The following DLG5 variants were observed in gnomAD, a reference collection of about 807,000 sequenced individuals.
DLG5 encodes disks large homolog 5.
In DLG5, 48 loss-of-function variants were observed where a neutral mutation model predicts 189.8. The ratio of observed to expected loss-of-function variants is 0.25; its 90% CI spans 0.20 to 0.32. DLG5 has a LOEUF of 0.32. Ranked by LOEUF, DLG5 falls within the 10% of genes least tolerant of loss-of-function variation. The pLI, the probability that DLG5 is intolerant of heterozygous loss-of-function variation, is 1.00. For missense variants in DLG5, 2,160 were observed against 2,544.7 expected (o/e 0.85, Z 3.25); for synonymous variants, 1,016 against 1,054.1 (o/e 0.96, Z 0.70).
At chr10:77,867,440 C>T (rs1331612115) in intron 2 of DLG5, among the ~76,000 whole-genome samples, 1 of 152,188 alleles carries the variant, frequency 6.6e-6, no homozygotes, top group Non-Finnish European at 1.5e-5. Context: ...CCTCACCTTC[C>T]CCATCTACTG....
At chr10:77,868,898 AGT>A (rs1386318131) in intron 2 of DLG5, 1 of 546,584 alleles carries the variant, frequency 1.8e-6, no homozygotes, top group African/African-American at 2.0e-5. Flanking sequence ...GCCCTGACAA[AGT>A]AAACAATGGC....
At chr10:77,858,752 C>T (rs1254769983) in intron 2 of DLG5, among the ~76,000 whole-genome samples, 1 of 151,948 alleles carries the variant, frequency 6.6e-6, no homozygotes, top group Non-Finnish European at 1.5e-5. Context: ...ATATTTGTGT[C>T]TTAGTTTTTA....
intron 1 of DLG5, among the ~76,000 whole-genome samples, chr10:77,908,323 G>A (rs1231703220): frequency 2.0e-5 from 3 of 152,134 alleles, no homozygotes; most frequent in Non-Finnish European, 4.4e-5. Context: ...TCCTGGGAAG[G>A]CCAGCCAGTC....
At chr10:77,903,476 G>A (rs1845989413) in intron 1 of DLG5, among the ~76,000 whole-genome samples, 1 of 151,664 alleles carries the variant, frequency 6.6e-6, no homozygotes, top group Admixed American at 6.6e-5. Context: ...CAATTAGCCG[G>A]GCATGGTGGT....
At chr10:77,869,717 G>T (rs930483372) in intron 1 of DLG5, 2 of 154,388 alleles carry the variant, frequency 1.3e-5, no homozygotes, top group Admixed American at 1.3e-4. Context: ...CTCCTAAAAT[G>T]ATGAGCAATT....
rs148780505 is a variant in DLG5, at chr10:77,867,580, T to G, written c.373+1549A>C. Among the ~76,000 whole-genome samples the G allele has an allele frequency of 2.4e-3, 359 of 152,340 alleles. 2 individuals are homozygous for G. The highest frequency in any genetic ancestry group is 0.023 in the South Asian group (112 of 4,826). On this transcript the variant is annotated intron_variant, in intron 2 of 31. Coordinates refer to ENST00000372391, the MANE Select transcript of DLG5 (RefSeq NM_004747.4). ...GCAGAACAAAGTAATAGGATACCGT[T>G]GGGAGCTTTGAATTGCAGTCCCAGA...
At chr10:77,930,725 G>A (rs1266017324), upstream of DLG5, among the ~76,000 whole-genome samples, 2 of 151,634 alleles carry the variant, frequency 1.3e-5, no homozygotes, top group African/African-American at 2.4e-5. Context: ...TGGGCTCACT[G>A]CAACCTCTGC....
intron 1 of DLG5, among the ~76,000 whole-genome samples, chr10:77,886,388 T>A (rs937961029): frequency 1.3e-5 from 2 of 151,140 alleles, no homozygotes; most frequent in African/African-American, 4.9e-5. Context: ...ATGTTGCTTT[T>A]TTTTTTTTTG....
intron 1 of DLG5, among the ~76,000 whole-genome samples, chr10:77,909,363 G>C (rs560855483): frequency 3.3e-5 from 5 of 152,272 alleles, no homozygotes; most frequent in Admixed American, 1.3e-4. Flanking sequence ...TCAGGGGTGG[G>C]GGTCTAGGAG....
chr10:77,825,624 C>T (rs977779317), intron 13 of DLG5, among the ~76,000 whole-genome samples: 1 of 151,596 alleles, frequency 6.6e-6, no homozygotes, highest in African/African-American at 2.4e-5. Flanking sequence ...GGCATGATCT[C>T]GGCTCGCTGC....
intron 20 of DLG5, among the ~76,000 whole-genome samples, chr10:77,814,167 AG>A (rs1841920218): frequency 6.6e-6 from 1 of 151,794 alleles, no homozygotes. Context: ...TAGTAGAGAC[AG>A]GGTTTCACCA....
the DLG5 span, among the ~76,000 whole-genome samples, chr10:77,936,441 CAAAACAAAAAAAAAAA>C: frequency 1.1e-5 from 1 of 87,872 alleles, no homozygotes; most frequent in Non-Finnish European, 2.4e-5. Context: ...CGTCTCAAAA[CAAAACAAAAAAAAAAA>C]AAAAAAAAAA....
At chr10:77,847,774 A>G (rs149592749) in intron 5 of DLG5, among the ~76,000 whole-genome samples, 122 of 152,180 alleles carry the variant, frequency 8.0e-4, no homozygotes, top group Middle Eastern at 6.8e-3. Flanking sequence ...TAAAGTGATC[A>G]CAGTTCACTG....
intron 1 of DLG5, among the ~76,000 whole-genome samples, chr10:77,924,393 G>C (rs1190229588): frequency 6.6e-6 from 1 of 152,038 alleles, no homozygotes; most frequent in African/African-American, 2.4e-5. Flanking sequence ...TTCTCCACCA[G>C]ACACGGAAAG....
intron 1 of DLG5, among the ~76,000 whole-genome samples, chr10:77,888,051 T>C (rs975139555): frequency 6.6e-6 from 1 of 152,244 alleles, no homozygotes; most frequent in East Asian, 1.9e-4. Context: ...AAATGGAAAC[T>C]GTCAGACAGG....
At chr10:77,824,699 G>A (rs111911875) in intron 13 of DLG5, 14 of 506,496 alleles carry the variant, frequency 2.8e-5, no homozygotes, top group Middle Eastern at 5.1e-4. Context: ...CAGGCTAGGG[G>A]AGGAGCATGT....
intron 2 of DLG5, among the ~76,000 whole-genome samples, chr10:77,861,557 CCTGGGCGTGG>C (rs1285984360): frequency 1.3e-5 from 2 of 152,140 alleles, no homozygotes; most frequent in African/African-American, 4.8e-5. Context: ...GCCATGAGGA[CCTGGGCGTGG>C]CTGGCCACAC....
At chr10:77,898,695 T>G (rs1020599314) in intron 1 of DLG5, among the ~76,000 whole-genome samples, 1 of 152,150 alleles carries the variant, frequency 6.6e-6, no homozygotes, top group African/African-American at 2.4e-5. Context: ...TTGCCCTGAG[T>G]GCTCCTGAGG....
chr10:77,870,287 G>C (rs952089809), intron 1 of DLG5, among the ~76,000 whole-genome samples: 7 of 152,202 alleles, frequency 4.6e-5, no homozygotes, highest in East Asian at 1.9e-4. Flanking sequence ...TGGAATTTTT[G>C]CAATAAGGGC....
Sources: allele counts gnomAD v4.1 joint callset (sites outside exome capture counted in the v4.1 genomes callset), GRCh38; gene constraint gnomAD v4.1.1; transcripts MANE v1.5; gene names NCBI Gene and HGNC (gene_info 2026-07-23, HGNC 2026-07-21).